STARD8: variants seen among roughly 807,000 people sequenced by gnomAD.
The protein encoded by STARD8 is StAR related lipid transfer domain containing 8, also known as stAR-related lipid transfer protein 8.
In STARD8, 25 loss-of-function variants were observed where a neutral mutation model predicts 69.4. That is an observed-to-expected ratio of 0.36 (90% CI 0.26 to 0.50). STARD8 has a LOEUF of 0.50. STARD8 is among the 20% of genes least tolerant of loss of function. The probability of loss-of-function intolerance (pLI) is 0.96; values close to 1 mark genes in which losing one functional copy is unlikely to be tolerated. For missense variants in STARD8, 921 were observed against 932.5 expected (o/e 0.99, Z 0.16); for synonymous variants, 389 against 374.6 (o/e 1.04, Z -0.45).
intron 2 of STARD8, among the ~76,000 whole-genome samples, chrX:68,707,228 C>T (rs1290425002): frequency 8.9e-6 from 1 of 112,513 alleles, no homozygotes; most frequent in Non-Finnish European, 1.9e-5. Flanking sequence ...GAGGCCACCA[C>T]GTGTTTAAAG....
rs1268838074 is a variant in STARD8, at chrX:68,661,970, C to CTTTCTTTCTTTCTTTCTTTCTT, written c.46-3528_46-3527insTTCTTTCTTTCTTTCTTTCTTT. 4.3e-4 allele frequency among the ~76,000 whole-genome samples: 24 copies of CTTTCTTTCTTTCTTTCTTTCTT among 56,001 alleles called. 1 individual carries two copies. Among genetic ancestry groups the CTTTCTTTCTTTCTTTCTTTCTT allele is most frequent in the African/African-American group, 5.4e-4 (6 of 11,017 alleles). The allele number at this position is 56,001 out of a possible 115,157, so 48.6% of individuals were successfully genotyped here. On this transcript the variant is annotated intron_variant, in intron 1 of 14. Coordinates refer to ENST00000374599, the MANE Select transcript of STARD8 (RefSeq NM_001142503.3). ...CCTCTCTCTCTCTCTCTCTCTCTCT[C>CTTTCTTTCTTTCTTTCTTTCTT]TCTTTCTTTCTTTCTTTCTTTCTTT... is the stretch of plus-strand genomic sequence containing the variant.
intron 7 of STARD8, among the ~76,000 whole-genome samples, chrX:68,719,610 T>C (rs1354595559): frequency 8.9e-6 from 1 of 112,709 alleles, no homozygotes; most frequent in African/African-American, 3.2e-5. Flanking sequence ...TCCCAATCTC[T>C]GTGCTGCAAC....
At chrX:68,687,392 A>T (rs1168892709) in intron 2 of STARD8, among the ~76,000 whole-genome samples, 1 of 111,795 alleles carries the variant, frequency 8.9e-6, no homozygotes, top group East Asian at 2.8e-4. Flanking sequence ...AGTAATTGTT[A>T]TACTCACTCA....
At chrX:68,719,081 C>A in intron 6 of STARD8, 144 bp from the exon 7 acceptor site, 1 of 768,742 alleles carries the variant, frequency 1.3e-6, no homozygotes, top group Non-Finnish European at 1.8e-6. Flanking sequence ...ACCCTGGGGC[C>A]TCAGCAGCAG....
At position 68,721,523 on chromosome X, in the gene STARD8, T is replaced by G. The variant is rs1263115591; in HGVS notation, c.2249-13T>G. The G allele has an allele frequency of 8.3e-7, 1 of 1,208,144 alleles. No homozygotes were observed. Among genetic ancestry groups the G allele is most frequent in the Admixed American group, 2.2e-5 (1 of 45,736 alleles). ...GAAGTAAGGAAGGCTCTTCTTCCAT[T>G]GCTTCCTCACAGTCCTCCCCAAGGA... On this transcript the variant is annotated splice_polypyrimidine_tract_variant and intron_variant, in intron 9 of 14. Transcript: ENST00000374599.
intron 7 of STARD8, among the ~76,000 whole-genome samples, chrX:68,719,813 G>A (rs1479676821): frequency 1.8e-5 from 2 of 111,813 alleles, no homozygotes; most frequent in Admixed American, 9.4e-5. Context: ...TCATCCTTCC[G>A]TGAACGTGCT....
At chrX:68,685,989 T>G (rs2079829208) in intron 2 of STARD8, among the ~76,000 whole-genome samples, 1 of 111,502 alleles carries the variant, frequency 9.0e-6, no homozygotes, top group Non-Finnish European at 1.9e-5. Flanking sequence ...TGTCACATGG[T>G]TGGTGAGATT....
intron 2 of STARD8, among the ~76,000 whole-genome samples, chrX:68,684,590 G>A (rs779650064): frequency 1.8e-5 from 2 of 112,502 alleles, no homozygotes; most frequent in Non-Finnish European, 3.8e-5. Context: ...TGTGAGAGGC[G>A]CAGTGCAGGG....
At chrX:68,716,161 G>T (rs945003027) in intron 4 of STARD8, among the ~76,000 whole-genome samples, 3 of 111,941 alleles carry the variant, frequency 2.7e-5, no homozygotes, top group African/African-American at 9.7e-5. Flanking sequence ...ATTTCTGTAG[G>T]GTTTATTTCC....
intron 1 of STARD8, among the ~76,000 whole-genome samples, chrX:68,653,068 A>C (rs1407256002): frequency 4.0e-5 from 1 of 24,699 alleles, no homozygotes; most frequent in Non-Finnish European, 7.0e-5. Context: ...CACACCACAC[A>C]CCACACACAC....
intron 2 of STARD8, among the ~76,000 whole-genome samples, chrX:68,706,436 C>G (rs1169890077): frequency 8.9e-6 from 1 of 111,781 alleles, no homozygotes; most frequent in Non-Finnish European, 1.9e-5. Flanking sequence ...TGCAGACCCC[C>G]TTGCATGTCT....
intron 2 of STARD8, among the ~76,000 whole-genome samples, chrX:68,701,480 G>A (rs2079965751): frequency 1.8e-5 from 2 of 112,836 alleles, no homozygotes; most frequent in Non-Finnish European, 3.7e-5. Flanking sequence ...CTCATCACAC[G>A]CACCAGTGAT....
chrX:68,683,211 G>A (rs1162132734), intron 2 of STARD8, among the ~76,000 whole-genome samples: 1 of 103,399 alleles, frequency 9.7e-6, no homozygotes, highest in Admixed American at 9.8e-5. Flanking sequence ...AAGTGGTGGA[G>A]GTAGGTAGGT....
chrX:68,658,756 G>A (rs1474420293), intron 1 of STARD8, among the ~76,000 whole-genome samples: 1 of 112,674 alleles, frequency 8.9e-6, no homozygotes. Context: ...GGGATTTGGG[G>A]TCAGAGGTTT....
At position 68,683,650 on chromosome X, in the gene STARD8, T is replaced by G. The variant is rs548106775; in HGVS notation, c.79+18118T>G. ...AAGAAAACAAGGATGCATACTAGAG[T>G]TAACTGAAAATTCAAGTGGATGTTT... On this transcript the variant is annotated intron_variant, in intron 2 of 14. Coordinates refer to ENST00000374599, the MANE Select transcript of STARD8 (RefSeq NM_001142503.3). 5.9e-4 allele frequency among the ~76,000 whole-genome samples: 66 copies of G among 112,019 alleles called. No individual in the cohort carries two copies. In the South Asian group the frequency reaches 0.025, roughly 42 times the overall value.
At chrX:68,666,184 T>C (rs1932744634) in intron 2 of STARD8, among the ~76,000 whole-genome samples, 1 of 111,740 alleles carries the variant, frequency 8.9e-6, no homozygotes, top group African/African-American at 3.3e-5. Flanking sequence ...TAGAGAGGGA[T>C]AACAGCTTTG....
chrX:68,725,815 A>G lies in STARD8; in HGVS notation c.*1393A>G, dbSNP rs1248525982. ...AGGTGCAGCAGGATCCCTCAAATCA[A>G]TAAAGCATTACCAGAGATGCACTTT... On this transcript the variant is annotated 3_prime_UTR_variant, in exon 15 of 15. Coordinates refer to ENST00000374599, the MANE Select transcript of STARD8 (RefSeq NM_001142503.3). The G allele has an allele frequency of 9.1e-6, 1 of 109,624 alleles. No homozygotes were observed. Among genetic ancestry groups the G allele is most frequent in the Non-Finnish European group, 1.9e-5 (1 of 52,727 alleles). The allele number at this position is 109,624 out of a possible 1,213,427, so 9.0% of individuals were successfully genotyped here. A position where few individuals can be genotyped will look rare whatever the true frequency, so the allele number is the denominator to read the frequency against.
intron 2 of STARD8, among the ~76,000 whole-genome samples, chrX:68,704,778 G>T (rs766982978): frequency 2.7e-5 from 3 of 111,122 alleles, no homozygotes; most frequent in Non-Finnish European, 5.7e-5. Context: ...GAAGCTCCCC[G>T]CACTGAGACA....
At chrX:68,719,137 A>T in intron 6 of STARD8, 88 bp from the exon 7 acceptor site, 1 of 1,015,637 alleles carries the variant, frequency 9.8e-7, no homozygotes. Flanking sequence ...TTTGGGGAGA[A>T]AAAAGGGGAC....
Sources: allele counts gnomAD v4.1 joint callset (sites outside exome capture counted in the v4.1 genomes callset), GRCh38; gene constraint gnomAD v4.1.1; transcripts MANE v1.5; gene names NCBI Gene and HGNC (gene_info 2026-07-23, HGNC 2026-07-21).